DLEU7: variants seen among roughly 807,000 people sequenced by gnomAD.
DLEU7 encodes the protein leukemia-associated protein 7.
A neutral mutation model predicts 16.0 loss-of-function variants in DLEU7; 17 were observed. The ratio of observed to expected loss-of-function variants is 1.06; its 90% CI spans 0.73 to 1.59. The LOEUF (loss-of-function observed/expected upper bound fraction) is 1.59, where lower values mean the gene tolerates loss of function less well. DLEU7 is among the 40% of genes most tolerant of loss of function. The pLI, the probability that DLEU7 is intolerant of heterozygous loss-of-function variation, is 0.00. For synonymous variants in DLEU7, 113 were observed against 139.8 expected, an observed-to-expected ratio of 0.81 and a Z score of 1.35; for missense variants, 308 against 314.9, an observed-to-expected ratio of 0.98 and a Z score of 0.17.
At chr13:50,761,652 T>C (rs1874934370) in intron 1 of DLEU7, among the ~76,000 whole-genome samples, 2 of 152,186 alleles carry the variant, frequency 1.3e-5, no homozygotes, top group South Asian at 4.1e-4. Flanking sequence ...TTGATGCTTC[T>C]ACTTGGAAGT....
rs1049068411 is a variant in DLEU7, at chr13:50,781,780, A to G, written c.459+61408T>C. Among the ~76,000 whole-genome samples, 28 of 152,310 alleles carry G rather than the reference A, an allele frequency of 1.8e-4. 3 individuals carry two copies. The highest frequency in any genetic ancestry group is 1.4e-3 in the Admixed American group (21 of 15,300). ...TAATTTTGACAAGATTTTGCCTTAG[A>G]TGAAATAGAACAAATAAAAAAAAAT... On this transcript the variant is annotated intron_variant, in intron 1 of 1. Transcript: ENST00000400393.
intron 1 of DLEU7, among the ~76,000 whole-genome samples, chr13:50,783,860 C>T (rs1411115256): frequency 6.6e-6 from 1 of 152,192 alleles, no homozygotes; most frequent in Non-Finnish European, 1.5e-5. Flanking sequence ...TCTCCCCATG[C>T]TGGCCCATAC....
At chr13:50,778,293 C>A (rs566209309) in intron 1 of DLEU7, among the ~76,000 whole-genome samples, 1 of 152,124 alleles carries the variant, frequency 6.6e-6, no homozygotes, top group African/African-American at 2.4e-5. Context: ...CAGCACAGGG[C>A]AAACCACCCT....
chr13:50,823,625 C>G, intron 1 of DLEU7, 105 bp from the exon 2 acceptor site: 2 of 1,343,526 alleles, frequency 1.5e-6, no homozygotes, highest in African/African-American at 1.5e-5. Flanking sequence ...GGTGACAGCA[C>G]TCTGGTTTTT....
intron 1 of DLEU7, among the ~76,000 whole-genome samples, chr13:50,780,323 C>T (rs1875617929): frequency 6.6e-6 from 1 of 152,172 alleles, no homozygotes; most frequent in African/African-American, 2.4e-5. Context: ...TTGAGTCCAC[C>T]AAATGTATTT....
chr13:50,816,017 A>G (rs1436853090), intron 1 of DLEU7, among the ~76,000 whole-genome samples: 1 of 152,104 alleles, frequency 6.6e-6, no homozygotes, highest in Non-Finnish European at 1.5e-5. Context: ...GAGGTCAATT[A>G]CATCAAATGT....
intron 1 of DLEU7, among the ~76,000 whole-genome samples, chr13:50,715,121 T>C (rs1361581708): frequency 6.6e-6 from 1 of 152,196 alleles, no homozygotes; most frequent in Non-Finnish European, 1.5e-5. Flanking sequence ...AGCCTCTCTC[T>C]GATTCTTGCA....
At chr13:50,773,418 G>T (rs886686500) in intron 1 of DLEU7, among the ~76,000 whole-genome samples, 4 of 152,078 alleles carry the variant, frequency 2.6e-5, no homozygotes, top group African/African-American at 9.7e-5. Flanking sequence ...ATCTACCTTT[G>T]GTCTTTGATG....
At chr13:50,743,486 G>A (rs192948519) in intron 1 of DLEU7, among the ~76,000 whole-genome samples, 16 of 152,194 alleles carry the variant, frequency 1.1e-4, no homozygotes, top group East Asian at 3.9e-4. Context: ...TGAGCATGTC[G>A]CTCAACCTTC....
chr13:50,786,256 T>G (rs1334714930), intron 1 of DLEU7, among the ~76,000 whole-genome samples: 1 of 152,200 alleles, frequency 6.6e-6, no homozygotes, highest in Non-Finnish European at 1.5e-5. Context: ...ATACACTTGG[T>G]TCACCATATG....
At chr13:50,806,612 A>G (rs1264157295) in intron 1 of DLEU7, among the ~76,000 whole-genome samples, 2 of 152,156 alleles carry the variant, frequency 1.3e-5, no homozygotes, top group Non-Finnish European at 2.9e-5. Context: ...ATTACAAATA[A>G]ATAAATGCTA....
chr13:50,829,552 G>A (rs767466813), intron 1 of DLEU7, among the ~76,000 whole-genome samples: 10 of 152,170 alleles, frequency 6.6e-5, no homozygotes, highest in African/African-American at 9.7e-5. Context: ...ATCAAAGAAG[G>A]TGTTGCTTGG....
chr13:50,818,989 G>A (rs1004481709), downstream of DLEU7, among the ~76,000 whole-genome samples: 2 of 152,024 alleles, frequency 1.3e-5, no homozygotes, highest in African/African-American at 4.8e-5. Flanking sequence ...TCACTTTATT[G>A]CAATATATGA....
At chr13:50,751,950 G>A (rs934138558) in intron 1 of DLEU7, among the ~76,000 whole-genome samples, 3 of 151,432 alleles carry the variant, frequency 2.0e-5, no homozygotes, top group African/African-American at 7.3e-5. Context: ...GTTCTGCTCT[G>A]ATCTTGGTTA....
At chr13:50,787,089 C>T (rs1483531317) in intron 1 of DLEU7, among the ~76,000 whole-genome samples, 1 of 152,164 alleles carries the variant, frequency 6.6e-6, no homozygotes, top group Non-Finnish European at 1.5e-5. Flanking sequence ...TTTTAGCCTT[C>T]GTTTCAAGTT....
At chr13:50,837,040 C>G (rs1410662972) in intron 1 of DLEU7, among the ~76,000 whole-genome samples, 2 of 152,238 alleles carry the variant, frequency 1.3e-5, no homozygotes, top group Non-Finnish European at 2.9e-5. Context: ...CAAGGTCAGT[C>G]TCAATAGATG....
chr13:50,832,103 C>T (rs916208417), intron 1 of DLEU7, among the ~76,000 whole-genome samples: 5 of 152,180 alleles, frequency 3.3e-5, no homozygotes, highest in African/African-American at 9.7e-5. Flanking sequence ...AACTGTGAAT[C>T]CATCTGGTCC....
chr13:50,741,060 C>A (rs890446978), intron 1 of DLEU7, among the ~76,000 whole-genome samples: 5 of 152,184 alleles, frequency 3.3e-5, no homozygotes, highest in African/African-American at 1.2e-4. Flanking sequence ...GTCAGCCAAG[C>A]TGAGGTATAG....
At chr13:50,796,931 C>G (rs1876124037) in intron 1 of DLEU7, among the ~76,000 whole-genome samples, 1 of 152,002 alleles carries the variant, frequency 6.6e-6, no homozygotes, top group Non-Finnish European at 1.5e-5. Context: ...TTGTGTTAAG[C>G]CACTACAAAT....
Sources: allele counts gnomAD v4.1 joint callset (sites outside exome capture counted in the v4.1 genomes callset), GRCh38; gene constraint gnomAD v4.1.1; transcripts MANE v1.5; gene names NCBI Gene and HGNC (gene_info 2026-07-23, HGNC 2026-07-21).